ITGA2: variants seen among roughly 807,000 people sequenced by gnomAD.
ITGA2 encodes the protein integrin alpha-2.
Under a neutral mutation model 146.3 loss-of-function variants are expected in ITGA2, and 101 were observed. The observed-to-expected ratio is 0.69, with a 90% CI of 0.59 to 0.81. The LOEUF (loss-of-function observed/expected upper bound fraction) is 0.81. ITGA2 is among the 40% of genes least tolerant of loss of function. The probability of loss-of-function intolerance (pLI) is 0.00; values close to 1 mark genes in which losing one functional copy is unlikely to be tolerated. For missense variants in ITGA2, 1,281 were observed against 1,402.7 expected (o/e 0.91, Z 1.39); for synonymous variants, 477 against 487.1 (o/e 0.98, Z 0.27).
chr5:53,049,028 T>A (rs1335347650), intron 6 of ITGA2, among the ~76,000 whole-genome samples: 1 of 149,588 alleles, frequency 6.7e-6, no homozygotes, highest in South Asian at 2.1e-4. Context: ...TTTTTTTTTT[T>A]AAGACCAAGT....
chr5:53,081,617 A>G lies in ITGA2; in HGVS notation c.3065A>G (p.Asp1022Gly), dbSNP rs760582049. ...DKAGDISCNADINPLKIGQTS... is the reference protein window; with the variant it reads ...DKAGDISCNAGINPLKIGQTS... ...GCTGGTGACATCAGTTGTAATGCAG[A>G]TATCAATCCACTGAAAATAGGACAA... Residue 1022 changes from aspartate (D) to glycine (G), a missense_variant, in exon 26 of 30, where the codon GAT becomes GGT. By Grantham distance (94) the Asp-to-Gly change is moderately conservative. Around this residue, in one of 3 missense-constraint regions of ITGA2, gnomAD observed 475 missense variants for 530.5 expected, o/e 0.90. Transcript: ENST00000296585. The G allele has an allele frequency of 7.4e-6, 12 of 1,612,644 alleles. No homozygotes were observed. In the South Asian group the frequency reaches 1.1e-4, roughly 15 times the overall value.
rs974919174 is a variant in ITGA2, at chr5:53,094,682, G to C, written c.*4083G>C. On this transcript the variant is annotated 3_prime_UTR_variant, in exon 30 of 30. Coordinates refer to ENST00000296585, the MANE Select transcript of ITGA2 (RefSeq NM_002203.4). ...ATATCCAAGTATAACAAACAGAAAA[G>C]TTTCATTATTGTAACCCACTTTTTT... is the stretch of plus-strand genomic sequence containing the variant. 11 of 152,242 alleles carry C rather than the reference G, an allele frequency of 7.2e-5. No individual in the cohort carries two copies. In the South Asian group the frequency reaches 1.0e-3, roughly 14 times the overall value. 9.4% of individuals were successfully genotyped at this position (152,242 alleles called of 1,614,324 possible). A position where few individuals can be genotyped will look rare whatever the true frequency, so the allele number is the denominator to read the frequency against.
chr5:53,086,317 C>T (rs950676211), intron 27 of ITGA2, among the ~76,000 whole-genome samples: 1 of 152,110 alleles, frequency 6.6e-6, no homozygotes, highest in African/African-American at 2.4e-5. Context: ...TATACCTGCC[C>T]CAAATTAAGT....
chr5:53,046,452 A>G (rs924213132), intron 4 of ITGA2, among the ~76,000 whole-genome samples: 7 of 152,004 alleles, frequency 4.6e-5, no homozygotes, highest in Middle Eastern at 3.2e-3. Flanking sequence ...GAATATTGCA[A>G]TGGATCTTTA....
rs536939501 is a variant in ITGA2, at chr5:53,023,288, ACACC to A, written c.65-3458_65-3455del. Among the ~76,000 whole-genome samples, 14 of 152,272 alleles carry A rather than the reference ACACC, an allele frequency of 9.2e-5. No individual in the cohort carries two copies. The South Asian group carries it at 2.9e-3, about 32-fold the overall frequency. On this transcript the variant is annotated intron_variant, in intron 1 of 29. Transcript: ENST00000296585. The stretch of plus-strand genomic sequence containing the variant: ...CACCATTGCCGTACTCTTCTCTTTC[ACACC>A]CTATGCCTACGTTTAACATGATGTT...
At chr5:53,066,105 T>C in intron 15 of ITGA2, 128 bp downstream of exon 15, 1 of 902,996 alleles carries the variant, frequency 1.1e-6, no homozygotes, top group South Asian at 1.4e-5. Flanking sequence ...CGATGTATCA[T>C]AGTTTGCACA....
At chr5:53,019,604 C>T (rs1177581311) in intron 1 of ITGA2, among the ~76,000 whole-genome samples, 1 of 152,166 alleles carries the variant, frequency 6.6e-6, no homozygotes, top group Non-Finnish European at 1.5e-5. Flanking sequence ...CGGCTCACTC[C>T]AACTTCCACC....
Position 52,989,372 on chromosome 5 carries a change from T to C in ITGA2, c.-97T>C. 1 of 1,294,042 alleles carries C rather than the reference T, an allele frequency of 7.7e-7. No homozygotes were observed. The highest frequency in any genetic ancestry group is 1.1e-6 in the Non-Finnish European group (1 of 891,632). 80.2% of individuals were successfully genotyped at this position (1,294,042 alleles called of 1,614,324 possible). On this transcript the variant is annotated 5_prime_UTR_variant, in exon 1 of 30. Coordinates refer to ENST00000296585, the MANE Select transcript of ITGA2 (RefSeq NM_002203.4). ...GGGGGAGAGAAGCCCTCTGGACAGC[T>C]TCTAGAGTGTGCAGGTTCTCGTATC...
At chr5:53,072,386 C>T (rs931066070) in intron 18 of ITGA2, among the ~76,000 whole-genome samples, 4 of 151,430 alleles carry the variant, frequency 2.6e-5, no homozygotes, top group African/African-American at 7.3e-5. Flanking sequence ...CTGCGTATAG[C>T]TGTCCCCGCC....
intron 1 of ITGA2, among the ~76,000 whole-genome samples, chr5:53,019,040 G>A (rs1455770740): frequency 1.3e-5 from 2 of 150,784 alleles, no homozygotes; most frequent in Non-Finnish European, 2.9e-5. Context: ...CTCCAGCCTG[G>A]GTAACAGAGC....
In ITGA2 at chr5:53,071,971, C is replaced by T. The variant is rs140404272; in HGVS notation, c.2269C>T (p.Arg757Cys). ...PSDVVNSLDL[R>C]VDISLENPGT... is the part of the protein sequence containing the mutation. ...TGATGTTGTCAACTCTTTGGATTTGCGTGTGGACATCAGTCTGGAAAACCC... is the reference window on the plus strand; with the variant it reads ...TGATGTTGTCAACTCTTTGGATTTGTGTGTGGACATCAGTCTGGAAAACCC... Residue 757 changes from arginine to cysteine, a missense_variant, in exon 18 of 30, where the codon CGT (arginine) becomes TGT (cysteine). Around this residue, in one of 3 missense-constraint regions of ITGA2, gnomAD observed 475 missense variants for 530.5 expected, o/e 0.90. Coordinates refer to ENST00000296585, the MANE Select transcript of ITGA2 (RefSeq NM_002203.4). 42 of 1,612,206 alleles carry T rather than the reference C, an allele frequency of 2.6e-5. No individual in the cohort carries two copies. In the African/African-American group the frequency reaches 2.8e-4, roughly 11 times the overall value.
chr5:53,063,885 T>A (rs1745018647), intron 13 of ITGA2, among the ~76,000 whole-genome samples: 1 of 151,886 alleles, frequency 6.6e-6, no homozygotes, highest in Non-Finnish European at 1.5e-5. Flanking sequence ...TGAATTATCA[T>A]TAATTGTTGA....
At chr5:52,989,920 C>T (rs1486401847) in intron 1 of ITGA2, among the ~76,000 whole-genome samples, 1 of 151,624 alleles carries the variant, frequency 6.6e-6, no homozygotes, top group Non-Finnish European at 1.5e-5. Flanking sequence ...CCCAACTTCC[C>T]CTGGCTCAGA....
At chr5:53,084,576 C>A (rs1050292428) in intron 27 of ITGA2, among the ~76,000 whole-genome samples, 2 of 152,136 alleles carry the variant, frequency 1.3e-5, no homozygotes, top group African/African-American at 4.8e-5. Context: ...TTTCTTCTGG[C>A]TTGCTTGCTT....
In ITGA2 at chr5:53,065,966, G is replaced by A; in HGVS notation, c.1932G>A (p.Val644=). Residue 644 remains valine, a synonymous_variant, in exon 15 of 30, where the codon GTG becomes GTA. Coordinates refer to ENST00000296585, the MANE Select transcript of ITGA2 (RefSeq NM_002203.4). ...TDVSIGAFGQ[V]VQLWSQSIAD... ...TGTCTATTGGTGCCTTTGGACAAGT[G>A]GTTCAACTCTGGTGAGTCAGGAAGA... The A allele has an allele frequency of 6.2e-7, 1 of 1,611,876 alleles. No homozygotes were observed. The highest frequency in any genetic ancestry group is 8.5e-7 in the Non-Finnish European group (1 of 1,178,588).
Position 53,073,207 on chromosome 5 carries a change from G to C in ITGA2, c.2519G>C (p.Gly840Ala). 1 of 1,612,332 alleles carries C rather than the reference G, an allele frequency of 6.2e-7. No homozygotes were observed. The highest frequency in any genetic ancestry group is 1.1e-5 in the South Asian group (1 of 91,052). Residue 840 changes from glycine to alanine, a missense_variant, in exon 20 of 30, where the codon GGA becomes GCA. This residue lies in a region of ITGA2 where 475 missense variants were observed against 530.5 expected (regional missense o/e 0.90). Coordinates refer to ENST00000296585, the MANE Select transcript of ITGA2 (RefSeq NM_002203.4). ...AAAAGGGAAAGTGCATACAACACTG[G>C]AATTGTTGTTGATTTTTCAGAAAAC... ...KNKRESAYNT[G>A]IVVDFSENLF...
At chr5:53,070,286 G>T in intron 17 of ITGA2, 26 bp downstream of exon 17, 4 of 1,610,246 alleles carry the variant, frequency 2.5e-6, no homozygotes, top group South Asian at 2.2e-5. Context: ...CATCCCTTTT[G>T]ACTTTATTTC....
chr5:53,062,722 C>T, intron 12 of ITGA2, 64 bp from the exon 13 acceptor site: 1 of 1,519,742 alleles, frequency 6.6e-7, no homozygotes, highest in Non-Finnish European at 9.1e-7. Context: ...AGTAAATGTT[C>T]AGTGTAATAT....
intron 2 of ITGA2, among the ~76,000 whole-genome samples, chr5:53,032,803 A>G (rs1340953533): frequency 1.3e-5 from 2 of 152,196 alleles, no homozygotes; most frequent in Admixed American, 6.5e-5. Flanking sequence ...TATCATAGAC[A>G]GGAATTTCTT....
Sources: gnomAD v4.1 joint callset for allele counts (sites outside exome capture counted in the v4.1 genomes callset) on GRCh38, gnomAD v4.1.1 for gene constraint, gnomAD v4.1.1 regional missense constraint, MANE v1.5 for transcripts, NCBI Gene and HGNC (gene_info 2026-07-23, HGNC 2026-07-21) for gene names.